ARL6IP6: variants seen among roughly 807,000 people sequenced by gnomAD.
The protein encoded by ARL6IP6 is ADP-ribosylation factor-like protein 6-interacting protein 6.
ARL6IP6 carries 22 observed loss-of-function variants against 21.5 expected under a neutral mutation model. The ratio of observed to expected loss-of-function variants is 1.02; its 90% CI spans 0.73 to 1.46. The LOEUF is 1.46. ARL6IP6 is among the 40% of genes most tolerant of loss of function. ARL6IP6 has a pLI of 0.00. For synonymous variants in ARL6IP6, 164 were observed against 125.3 expected (o/e 1.31, Z -2.06); for missense variants, 388 against 299.8 (o/e 1.29, Z -2.17).
At chr2:152,748,617 C>T (rs192625232) in intron 3 of ARL6IP6, among the ~76,000 whole-genome samples, 17 of 152,280 alleles carry the variant, frequency 1.1e-4, no homozygotes, top group Admixed American at 1.1e-3. Flanking sequence ...GACACAGAAA[C>T]GAATAGCCAG....
At chr2:152,719,765 A>AAAAAAAAAAC (rs1274984699) in intron 1 of ARL6IP6, 17 of 274,796 alleles carry the variant, frequency 6.2e-5, no homozygotes, top group African/African-American at 9.6e-5. Flanking sequence ...AAAAAAAAAA[A>AAAAAAAAAAC]AAAAAAAAAC....
chr2:152,723,370 G>T (rs542667090), intron 2 of ARL6IP6, among the ~76,000 whole-genome samples: 111 of 152,216 alleles, frequency 7.3e-4, no homozygotes, highest in African/African-American at 2.6e-3. Flanking sequence ...TAGGAACCTC[G>T]TAGCCAAATG....
intron 3 of ARL6IP6, among the ~76,000 whole-genome samples, chr2:152,744,469 T>C (rs968780845): frequency 1.3e-5 from 2 of 152,152 alleles, no homozygotes; most frequent in African/African-American, 2.4e-5. Flanking sequence ...TTATTTGATA[T>C]AGGGTTCATG....
chr2:152,730,060 T>C (rs1456306848), intron 2 of ARL6IP6, among the ~76,000 whole-genome samples: 2 of 152,184 alleles, frequency 1.3e-5, no homozygotes, highest in African/African-American at 4.8e-5. Flanking sequence ...GACCACAATA[T>C]TGCAATGTAC....
chr2:152,759,952 A>G lies in ARL6IP6; in HGVS notation c.*112A>G. ...CTGAGAAACCTGCTGTTCATTATGTAGTTCAGATATTTATCACAATCATCC... is the reference window on the plus strand; with the variant it reads ...CTGAGAAACCTGCTGTTCATTATGTGGTTCAGATATTTATCACAATCATCC... On this transcript the variant is annotated 3_prime_UTR_variant, in exon 4 of 4. Transcript: ENST00000326446. 1 of 822,420 alleles carries G rather than the reference A, an allele frequency of 1.2e-6. No individual in the cohort carries two copies. Among genetic ancestry groups the G allele is most frequent in the South Asian group, 1.5e-5 (1 of 65,600 alleles). The allele number at this position is 822,420 out of a possible 1,614,324, so 50.9% of individuals were successfully genotyped here.
upstream of ARL6IP6, chr2:152,718,114 C>T: frequency 1.0e-6 from 1 of 978,248 alleles, no homozygotes; most frequent in Non-Finnish European, 1.2e-6. Context: ...ACCGCGAGAG[C>T]GCCAGGTAGA....
chr2:152,718,118 A>C (rs764983724), upstream of ARL6IP6: 23 of 966,810 alleles, frequency 2.4e-5, no homozygotes, highest in Non-Finnish European at 2.7e-5. Context: ...CGAGAGCGCC[A>C]GGTAGAGAGG....
At chr2:152,751,818 A>G (rs1479292849) in intron 3 of ARL6IP6, among the ~76,000 whole-genome samples, 1 of 152,182 alleles carries the variant, frequency 6.6e-6, no homozygotes, top group East Asian at 1.9e-4. Context: ...ACTATTGTGA[A>G]TGGTGCTGCA....
At chr2:152,719,982 G>A (rs569016883) in intron 1 of ARL6IP6, 60 of 225,046 alleles carry the variant, frequency 2.7e-4, no homozygotes, top group Admixed American at 1.1e-3. Flanking sequence ...CAGTTGATGT[G>A]GGTTTTACCT....
intron 2 of ARL6IP6, among the ~76,000 whole-genome samples, chr2:152,726,146 GT>G (rs71394500): frequency 2.9e-4 from 43 of 149,390 alleles, no homozygotes; most frequent in East Asian, 1.6e-3. Context: ...AAAGTGTTGG[GT>G]TTTTTTTTTA....
In ARL6IP6 at chr2:152,759,917, A is replaced by G. The variant is rs1294066288; in HGVS notation, c.*77A>G. 5.7e-6 allele frequency: 7 copies of G among 1,224,460 alleles called. No individual in the cohort carries two copies. The Admixed American group carries it at 1.2e-4, about 22-fold the overall frequency. The allele number at this position is 1,224,460 out of a possible 1,614,324, so 75.8% of individuals were successfully genotyped here. ...ATAACAAGAAGGAGCATCACTGTCTACTCAGAAGACTGAGAAACCTGCTGT... is the reference window on the plus strand; with the variant it reads ...ATAACAAGAAGGAGCATCACTGTCTGCTCAGAAGACTGAGAAACCTGCTGT... On this transcript the variant is annotated 3_prime_UTR_variant, in exon 4 of 4. Coordinates refer to ENST00000326446, the MANE Select transcript of ARL6IP6 (RefSeq NM_152522.7).
intron 3 of ARL6IP6, among the ~76,000 whole-genome samples, chr2:152,750,231 A>G (rs1701262586): frequency 6.6e-6 from 1 of 152,126 alleles, no homozygotes; most frequent in South Asian, 2.1e-4. Flanking sequence ...GTATCCCAGC[A>G]CTTTGGGAGT....
At chr2:152,727,202 C>G (rs562202812) in intron 2 of ARL6IP6, among the ~76,000 whole-genome samples, 19 of 152,168 alleles carry the variant, frequency 1.2e-4, no homozygotes, top group African/African-American at 4.6e-4. Flanking sequence ...CCTATGTAGG[C>G]CTAGGCTAAT....
chr2:152,753,923 G>A (rs553478821), intron 3 of ARL6IP6, among the ~76,000 whole-genome samples: 4 of 151,772 alleles, frequency 2.6e-5, no homozygotes, highest in South Asian at 2.1e-4. Context: ...AGATGGTCTC[G>A]ATCTCCTGAC....
In ARL6IP6 at chr2:152,718,709, T is replaced by A. The variant is rs1252484899; in HGVS notation, c.85T>A (p.Ser29Thr). 5.0e-6 allele frequency: 8 copies of A among 1,605,432 alleles called. No homozygotes were observed. Among genetic ancestry groups the A allele is most frequent in the Admixed American group, 1.7e-5 (1 of 58,904 alleles). Residue 29 changes from serine (S) to threonine (T), a missense_variant, in exon 1 of 4, where the codon TCC (serine) becomes ACC (threonine). Transcript: ENST00000326446. ...TPGPVARPSY[S>T]SFTQGDSWGE... ...GGGCCCTGTGGCTCGGCCATCGTAT[T>A]CCTCCTTTACTCAGGGGGACAGCTG...
intron 2 of ARL6IP6, chr2:152,732,475 AT>A (rs921788798): frequency 4.9e-6 from 2 of 405,224 alleles, no homozygotes; most frequent in Non-Finnish European, 9.9e-6. Flanking sequence ...CTGCAATTGC[AT>A]TTAACTTTAT....
intron 2 of ARL6IP6, among the ~76,000 whole-genome samples, chr2:152,733,022 G>A (rs1279129884): frequency 6.6e-6 from 1 of 152,002 alleles, no homozygotes; most frequent in African/African-American, 2.4e-5. Flanking sequence ...TTGTATCATG[G>A]TTAGAAAGGT....
rs748877617 is a variant in ARL6IP6 at position 152,759,852 on chromosome 2, A to G, written c.*12A>G. 1.2e-6 allele frequency: 2 copies of G among 1,604,128 alleles called. No homozygotes were observed. The highest frequency in any genetic ancestry group is 1.7e-6 in the Non-Finnish European group (2 of 1,171,230). On this transcript the variant is annotated 3_prime_UTR_variant, in exon 4 of 4. Coordinates refer to ENST00000326446, the MANE Select transcript of ARL6IP6 (RefSeq NM_152522.7). ...GGTGCCTCATGTAAACCCACACTGG[A>G]GCGATATTGTTGGCAAAACTTAATC...
intron 3 of ARL6IP6, among the ~76,000 whole-genome samples, chr2:152,742,057 C>T (rs1700836840): frequency 6.6e-6 from 1 of 152,172 alleles, no homozygotes; most frequent in Admixed American, 6.5e-5. Flanking sequence ...TTCTACACTA[C>T]CTACTCAACA....
Sources: gnomAD v4.1 joint callset for allele counts (sites outside exome capture counted in the v4.1 genomes callset) on GRCh38, gnomAD v4.1.1 for gene constraint, MANE v1.5 for transcripts, NCBI Gene and HGNC (gene_info 2026-07-23, HGNC 2026-07-21) for gene names.